The following MYO1F variants were observed in gnomAD, a reference collection of about 807,000 sequenced individuals.
The protein encoded by MYO1F is myosin IF.
Under a neutral mutation model 146.6 loss-of-function variants are expected in MYO1F, and 60 were observed. The ratio of observed to expected loss-of-function variants is 0.41; its 90% CI spans 0.33 to 0.51. The LOEUF is 0.51. Ranked by LOEUF, MYO1F falls within the 20% of genes least tolerant of loss-of-function variation. MYO1F has a pLI of 0.25. For missense variants in MYO1F, 1,274 were observed against 1,534.3 expected (o/e 0.83, Z 2.83); for synonymous variants, 602 against 602.1 (o/e 1.00, Z 0.00).
chr19:8,560,937 C>CCA (rs1974071833), intron 1 of MYO1F, among the ~76,000 whole-genome samples: 1 of 151,958 alleles, frequency 6.6e-6, no homozygotes, highest in Non-Finnish European at 1.5e-5. Context: ...CGGGGTTTCA[C>CCA]TGTATTAGCC....
chr19:8,554,807 T>A, intron 2 of MYO1F, 64 bp from the exon 3 acceptor site: 1 of 1,446,740 alleles, frequency 6.9e-7, no homozygotes, highest in Admixed American at 1.7e-5. Context: ...CCCCTCATCC[T>A]GCCCCCACCC....
At chr19:8,566,350 G>A (rs911734195) in intron 1 of MYO1F, among the ~76,000 whole-genome samples, 2 of 151,120 alleles carry the variant, frequency 1.3e-5, no homozygotes, top group African/African-American at 4.9e-5. Flanking sequence ...TGTATTTTTA[G>A]TAGAGATGGG....
In MYO1F at chr19:8,536,518, A is replaced by G. The variant is rs1385081451; in HGVS notation, c.1879T>C (p.Phe627Leu). The G allele has an allele frequency of 1.2e-6, 2 of 1,612,506 alleles. No individual in the cohort carries two copies. Among genetic ancestry groups the G allele is most frequent in the Non-Finnish European group, 1.7e-6 (2 of 1,179,664 alleles). ...RRAGFAYRRQ[F>L]AKFLQRYAIL... ...CCTCACCTCTGCAGGAATTTGGCGAACTGGCGGCGGTAGGCGAAGCCGGCT... is the reference window on the plus strand; with the variant it reads ...CCTCACCTCTGCAGGAATTTGGCGAGCTGGCGGCGGTAGGCGAAGCCGGCT... Residue 627 changes from phenylalanine (F) to leucine (L), a missense_variant, in exon 18 of 28, where the codon TTC becomes CTC. Transcript: ENST00000644032.
chr19:8,537,723 T>C (rs1975029), intron 16 of MYO1F, among the ~76,000 whole-genome samples: 45,828 of 152,058 alleles, frequency 0.3, 10,349 homozygotes, highest in African/African-American at 0.63. Flanking sequence ...CATGAGCCAC[T>C]ATACCTGGCT....
intron 21 of MYO1F, among the ~76,000 whole-genome samples, chr19:8,528,235 C>T (rs1224230022): frequency 7.0e-6 from 1 of 142,954 alleles, no homozygotes; most frequent in Non-Finnish European, 1.5e-5. Flanking sequence ...AACAAACAAA[C>T]AAAAAATAAC....
intron 19 of MYO1F, among the ~76,000 whole-genome samples, chr19:8,533,790 G>A (rs1972591528): frequency 6.6e-6 from 1 of 152,172 alleles, no homozygotes; most frequent in Admixed American, 6.6e-5. Context: ...CTTTGTTTCA[G>A]CTGTCCCAGC....
chr19:8,531,184 C>A (rs979215627), intron 19 of MYO1F, among the ~76,000 whole-genome samples: 1 of 150,770 alleles, frequency 6.6e-6, no homozygotes, highest in African/African-American at 2.4e-5. Context: ...CCTGTCTTTA[C>A]TAAAAACATA....
chr19:8,548,370 C>T (rs1973461350), intron 10 of MYO1F, 53 bp from the exon 11 acceptor site: 2 of 1,551,800 alleles, frequency 1.3e-6, no homozygotes, highest in Admixed American at 3.4e-5. Flanking sequence ...GATCTGAAGC[C>T]CCTGCCCACC....
intron 15 of MYO1F, 24 bp downstream of exon 15, chr19:8,541,882 G>A (rs1257165063): frequency 6.2e-7 from 1 of 1,604,402 alleles, no homozygotes; most frequent in Non-Finnish European, 8.5e-7. Context: ...GTAGCCGGAG[G>A]TCCCCATGCC....
chr19:8,576,789 C>G (rs928423749), intron 1 of MYO1F: 2 of 169,128 alleles, frequency 1.2e-5, no homozygotes, highest in Non-Finnish European at 1.3e-5. Context: ...AGCTTCCCAT[C>G]TCAGCCGAGG....
intron 1 of MYO1F, among the ~76,000 whole-genome samples, chr19:8,557,011 C>T (rs947452152): frequency 8.6e-5 from 13 of 151,688 alleles, no homozygotes; most frequent in East Asian, 3.9e-4. Flanking sequence ...TGGGGCCAGA[C>T]GCAATGGCTC....
At chr19:8,571,407 TTC>T (rs201699006) in intron 1 of MYO1F, among the ~76,000 whole-genome samples, 3 of 150,830 alleles carry the variant, frequency 2.0e-5, no homozygotes, top group Non-Finnish European at 2.9e-5. Context: ...TTCTTTTCTT[TTC>T]TCTCTCTCTC....
At chr19:8,554,607 G>A (rs778562517) in intron 3 of MYO1F, 36 bp from the exon 4 acceptor site, 56 of 1,612,044 alleles carry the variant, frequency 3.5e-5, no homozygotes, top group Non-Finnish European at 4.2e-5. Context: ...CCAGGGCTGG[G>A]GGCCAGGAGT....
Position 8,554,764 on chromosome 19 carries a change from G to A in MYO1F, c.142-21C>T, listed in dbSNP as rs372260341. 412 of 1,610,472 alleles carry A rather than the reference G, an allele frequency of 2.6e-4. 1 individual carries two copies. Among genetic ancestry groups the A allele is most frequent in the Non-Finnish European group, 3.2e-4 (371 of 1,176,878 alleles). On this transcript the variant is annotated intron_variant, in intron 2 of 27. Coordinates refer to ENST00000644032, the MANE Select transcript of MYO1F (RefSeq NM_012335.4). ...TAGGTCTGAGGGATGGTTAAGGGTC[G>A]TGTGGTGTCCTGGTAGGTTTTGTCC... is the stretch of plus-strand genomic sequence containing the variant.
At chr19:8,562,343 T>C (rs992660163) in intron 1 of MYO1F, among the ~76,000 whole-genome samples, 3 of 152,012 alleles carry the variant, frequency 2.0e-5, no homozygotes, top group African/African-American at 7.2e-5. Context: ...GATCTCACTC[T>C]GTCACCTAGG....
In MYO1F at chr19:8,545,634, T is replaced by C. The variant is rs765949900; in HGVS notation, c.1356+16A>G. The stretch of plus-strand genomic sequence containing the variant: ...GACCAGTGAGACGCCCCCGCCAAAG[T>C]TGACCCAGCCCTCACCAGCTTGTTT... On this transcript the variant is annotated intron_variant, in intron 13 of 27. Transcript: ENST00000644032. 1.7e-5 allele frequency: 28 copies of C among 1,610,750 alleles called. No homozygotes were observed. Among genetic ancestry groups the C allele is most frequent in the Non-Finnish European group, 2.2e-5 (26 of 1,177,118 alleles).
chr19:8,533,557 C>G (rs922892033), intron 19 of MYO1F, among the ~76,000 whole-genome samples: 4 of 151,584 alleles, frequency 2.6e-5, no homozygotes, highest in Non-Finnish European at 5.9e-5. Flanking sequence ...CATAGTTTTG[C>G]TGTGTTAGCC....
chr19:8,525,508 G>T lies in MYO1F; in HGVS notation c.2825C>A (p.Pro942His). Residue 942 changes from proline (P) to histidine (H), a missense_variant, in exon 25 of 28, where the codon CCT becomes CAT. Pro to His is a moderately conservative substitution (Grantham distance 77, BLOSUM62 -2). Transcript: ENST00000644032. ...KGKPRRSSQA[P>H]TRAAPAPPRG... ...GGGGGGCGCAGGGGCCGCCCGGGTAGGGGCTTGGGACGACCTCCGAGGTTT... is the reference window on the plus strand; with the variant it reads ...GGGGGGCGCAGGGGCCGCCCGGGTATGGGCTTGGGACGACCTCCGAGGTTT... The T allele has an allele frequency of 6.2e-7, 1 of 1,613,530 alleles. No homozygotes were observed. The highest frequency in any genetic ancestry group is 8.5e-7 in the Non-Finnish European group (1 of 1,179,970).
chr19:8,526,837 C>T lies in MYO1F; in HGVS notation c.2573G>A (p.Arg858His), dbSNP rs1280824282. 11 of 1,613,674 alleles carry T rather than the reference C, an allele frequency of 6.8e-6. No individual in the cohort carries two copies. The highest frequency in any genetic ancestry group is 9.3e-6 in the Non-Finnish European group (11 of 1,179,940). The change falls in exon 23 of 28, where the codon CGC becomes CAC. Residue 858 changes from arginine (R) to histidine (H), a missense_variant. Physicochemically the swap from Arg to His is conservative, Grantham distance 29. Coordinates refer to ENST00000644032, the MANE Select transcript of MYO1F (RefSeq NM_012335.4). Reference sequence around the variant, plus strand: ...GGGCCTCCGCGTCGCCTCCTCGAAGCGCTTGCACAGAAGGCTGACAAACTC... The same window carrying T: ...GGGCCTCCGCGTCGCCTCCTCGAAGTGCTTGCACAGAAGGCTGACAAACTC... ...KTEFVSLLCK[R>H]FEEATRRPLP... is the part of the protein sequence containing the mutation.
Sources: gnomAD v4.1 joint callset for allele counts (sites outside exome capture counted in the v4.1 genomes callset) on GRCh38, gnomAD v4.1.1 for gene constraint, MANE v1.5 for transcripts, NCBI Gene and HGNC (gene_info 2026-07-23, HGNC 2026-07-21) for gene names.